CFAP251: variants seen among roughly 807,000 people sequenced by gnomAD.
CFAP251 encodes the protein cilia and flagella associated protein 251, also known as cilia- and flagella-associated protein 251.
In CFAP251, 93 loss-of-function variants were observed where a neutral mutation model predicts 126.7. The observed-to-expected ratio is 0.73, with a 90% CI of 0.62 to 0.87. CFAP251 has a LOEUF of 0.87. CFAP251 is among the 40% of genes least tolerant of loss of function. The pLI is 0.00. For missense variants in CFAP251, 1,287 were observed against 1,389.2 expected, an observed-to-expected ratio of 0.93 and a Z score of 1.17; for synonymous variants, 503 against 506.9, an observed-to-expected ratio of 0.99 and a Z score of 0.10.
chr12:121,960,996 C>G (rs890066615), intron 14 of CFAP251, among the ~76,000 whole-genome samples: 4 of 152,182 alleles, frequency 2.6e-5, no homozygotes, highest in African/African-American at 9.7e-5. Context: ...AGTTAGAAGG[C>G]AAGGAGCGGG....
intron 19 of CFAP251, chr12:121,997,542 A>G (rs891236960): frequency 6.6e-6 from 1 of 151,816 alleles, no homozygotes; most frequent in Non-Finnish European, 1.5e-5. Flanking sequence ...CCAATCCCTG[A>G]ATATGGAAAG....
At position 122,001,614 on chromosome 12, in the gene CFAP251, TTGTC is replaced by T. The variant is rs760877411; in HGVS notation, c.3337+19_3337+22del. On this transcript the variant is annotated intron_variant, in intron 21 of 21. Coordinates refer to ENST00000288912, the MANE Select transcript of CFAP251 (RefSeq NM_144668.6). Reference sequence around the variant, plus strand: ...TCCGTCAAAGGTACCCCAGCTGGCTTTGTCTGGGCATGTAGCTGTGGCTCACTGA... The same window carrying T: ...TCCGTCAAAGGTACCCCAGCTGGCTTTGGGCATGTAGCTGTGGCTCACTGA... 49 of 1,604,602 alleles carry T rather than the reference TTGTC, an allele frequency of 3.1e-5. No individual in the cohort carries two copies. Among genetic ancestry groups the T allele is most frequent in the Non-Finnish European group, 4.1e-5 (48 of 1,171,500 alleles).
rs565860081 is a variant in CFAP251, at chr12:121,969,972, G to C, written c.2771+1803G>C. On this transcript the variant is annotated intron_variant, in intron 17 of 21. Transcript: ENST00000288912. The stretch of plus-strand genomic sequence containing the variant: ...ATAAACTAATTATCACTTCATTGCT[G>C]CTTCTGGTGACTTAATATGATCAGC... 4 of 985,082 alleles carry C rather than the reference G, an allele frequency of 4.1e-6. No individual in the cohort carries two copies. In the South Asian group the frequency reaches 1.4e-4, roughly 35 times the overall value. The allele number at this position is 985,082 out of a possible 1,614,324, so 61.0% of individuals were successfully genotyped here. A position where few individuals can be genotyped will look rare whatever the true frequency, so the allele number is the denominator to read the frequency against.
At chr12:121,962,835 G>A (rs1038854705) in intron 15 of CFAP251, among the ~76,000 whole-genome samples, 3 of 152,174 alleles carry the variant, frequency 2.0e-5, no homozygotes, top group Non-Finnish European at 2.9e-5. Context: ...CTGCTGTGCG[G>A]TTGGAGGAAA....
At chr12:121,928,623 TGTGTATATATATAC>T in intron 3 of CFAP251, among the ~76,000 whole-genome samples, 2 of 43,016 alleles carry the variant, frequency 4.6e-5, no homozygotes, top group African/African-American at 1.4e-4. Context: ...TTTATGTATA[TGTGTATATATATAC>T]GTATATATAT....
chr12:122,001,571 TC>T lies in CFAP251; in HGVS notation c.3312del (p.Glu1105SerfsTer34). On this transcript the variant is annotated frameshift_variant, in exon 21 of 22. Transcript: ENST00000288912. LOFTEE classifies it high-confidence loss of function. ...LFGLNPEGWK[S>X]EPATCSVKGS... Reference sequence around the variant, plus strand: ...TGGCCTGAATCCCGAGGGATGGAAATCCGAGCCTGCAACCTGCTCCGTCAAA... The same window carrying T: ...TGGCCTGAATCCCGAGGGATGGAAATCGAGCCTGCAACCTGCTCCGTCAAA... 1 of 1,614,124 alleles carries T rather than the reference TC, an allele frequency of 6.2e-7. No individual in the cohort carries two copies. The highest frequency in any genetic ancestry group is 8.5e-7 in the Non-Finnish European group (1 of 1,180,014).
At chr12:121,925,088 T>G (rs1402665327) in intron 3 of CFAP251, among the ~76,000 whole-genome samples, 1 of 151,972 alleles carries the variant, frequency 6.6e-6, no homozygotes, top group Non-Finnish European at 1.5e-5. Context: ...TTCCCCTTCT[T>G]GCCTCACCTC....
At chr12:121,928,638 G>GTGTATATA (rs1880521111) in intron 3 of CFAP251, among the ~76,000 whole-genome samples, 1 of 33,346 alleles carries the variant, frequency 3.0e-5, no homozygotes, top group African/African-American at 4.7e-5. Context: ...ATATATATAC[G>GTGTATATA]TATATATATA....
chr12:121,959,403 G>A (rs1414967766), intron 13 of CFAP251: 1 of 237,202 alleles, frequency 4.2e-6, no homozygotes, highest in Admixed American at 5.1e-5. Flanking sequence ...AGGCAGGTAT[G>A]TTGGTCTGCC....
At position 121,954,285 on chromosome 12, in the gene CFAP251, T is replaced by C. The variant is rs772436032; in HGVS notation, c.1486T>C (p.Leu496=). 24 of 1,614,050 alleles carry C rather than the reference T, an allele frequency of 1.5e-5. No individual in the cohort carries two copies. The highest frequency in any genetic ancestry group is 1.6e-5 in the Non-Finnish European group (19 of 1,180,044). The stretch of plus-strand genomic sequence containing the variant: ...CTTTCCCTATATCAAGCCTTGTAAA[T>C]TGGTTCATTTGCAGAAAGAGGGTAT... ...LGFPYIKPCK[L]VHLQKEGITV... The change falls in exon 10 of 22, where the codon TTG becomes CTG. Residue 496 remains leucine, a synonymous_variant. Transcript: ENST00000288912.
chr12:121,931,437 C>G (rs1371398392), intron 3 of CFAP251, among the ~76,000 whole-genome samples: 1 of 152,272 alleles, frequency 6.6e-6, no homozygotes, highest in East Asian at 1.9e-4. Flanking sequence ...CTCAGCCTCC[C>G]AAGTAGCTGG....
intron 17 of CFAP251, chr12:121,969,009 C>T (rs529602916): frequency 1.0e-6 from 1 of 985,314 alleles, no homozygotes; most frequent in South Asian, 4.7e-5. Context: ...GCAGCCGGTT[C>T]CTGTTCCTGA....
intron 17 of CFAP251, chr12:121,969,910 A>T: frequency 2.0e-6 from 2 of 985,460 alleles, no homozygotes; most frequent in Non-Finnish European, 2.4e-6. Flanking sequence ...GCTTCTGAGA[A>T]TTTCAATTTA....
At chr12:121,919,464 C>T (rs925379836) in intron 1 of CFAP251, among the ~76,000 whole-genome samples, 1 of 152,126 alleles carries the variant, frequency 6.6e-6, no homozygotes, top group Non-Finnish European at 1.5e-5. Context: ...CAAATAATAA[C>T]AACTGCTACC....
At chr12:121,991,609 C>T (rs958245333) in intron 19 of CFAP251, among the ~76,000 whole-genome samples, 1 of 152,174 alleles carries the variant, frequency 6.6e-6, no homozygotes, top group Non-Finnish European at 1.5e-5. Context: ...GTCAGCGAGC[C>T]TTTGCCTTCC....
intron 17 of CFAP251, among the ~76,000 whole-genome samples, chr12:121,972,650 G>A (rs1267880379): frequency 6.6e-6 from 1 of 152,034 alleles, no homozygotes; most frequent in Non-Finnish European, 1.5e-5. Context: ...CACCATGCCT[G>A]GCTAATTTTT....
At chr12:121,930,195 A>G (rs11043245) in intron 3 of CFAP251, among the ~76,000 whole-genome samples, 31,508 of 151,924 alleles carry the variant, frequency 0.21, 6,944 homozygotes, top group African/African-American at 0.55. Flanking sequence ...TTAATTTTTA[A>G]AAAATACTTT....
rs1000309236 is a variant in CFAP251 at position 121,989,029 on chromosome 12, C to T, written c.3007-10687C>T. 2.6e-5 allele frequency among the ~76,000 whole-genome samples: 4 copies of T among 152,186 alleles called. No individual in the cohort carries two copies. Among genetic ancestry groups the T allele is most frequent in the Non-Finnish European group, 5.9e-5 (4 of 68,038 alleles). ...GGGATCCCAGATGTGAGCCACGGTG[C>T]CCGGCCCACATCACTTCTTCACTTG... On this transcript the variant is annotated intron_variant, in intron 19 of 21. Coordinates refer to ENST00000288912, the MANE Select transcript of CFAP251 (RefSeq NM_144668.6). This position sits in a 1 kb window ranked among gnomAD's most constrained non-coding sequence, Gnocchi z 4.2.
intron 10 of CFAP251, among the ~76,000 whole-genome samples, chr12:121,956,310 T>A (rs894094518): frequency 6.6e-6 from 1 of 152,126 alleles, no homozygotes; most frequent in Non-Finnish European, 1.5e-5. Flanking sequence ...TGTAAATCCT[T>A]GTCCACCTCC....
Sources: gnomAD v4.1 joint callset for allele counts (sites outside exome capture counted in the v4.1 genomes callset) on GRCh38, gnomAD v4.1.1 for gene constraint, Gnocchi (gnomAD v3.1) non-coding constraint, MANE v1.5 for transcripts, NCBI Gene and HGNC (gene_info 2026-07-23, HGNC 2026-07-21) for gene names.